ATF4: variants seen among roughly 807,000 people sequenced by gnomAD.
The protein encoded by ATF4 is cyclic AMP-dependent transcription factor ATF-4.
In ATF4, 8 loss-of-function variants were observed where a neutral mutation model predicts 21.0. That is an observed-to-expected ratio of 0.38 (90% CI 0.22 to 0.69). The LOEUF is 0.69. Ranked by LOEUF, ATF4 falls within the 30% of genes least tolerant of loss-of-function variation. The pLI, the probability that ATF4 is intolerant of heterozygous loss-of-function variation, is 0.49. For missense variants in ATF4, 549 were observed against 425.9 expected, an observed-to-expected ratio of 1.29 and a Z score of -2.54; for synonymous variants, 241 against 166.4, an observed-to-expected ratio of 1.45 and a Z score of -3.45.
At chr22:39,521,271 A>G (rs1930924683) in intron 1 of ATF4, 83 bp from the exon 2 acceptor site, 2 of 555,244 alleles carry the variant, frequency 3.6e-6, no homozygotes, top group Non-Finnish European at 6.4e-6. Flanking sequence ...GCCGATCTAG[A>G]GAAGTCCCGC....
chr22:39,521,259 T>G, intron 1 of ATF4, 95 bp from the exon 2 acceptor site: 1 of 505,404 alleles, frequency 2.0e-6, no homozygotes, highest in South Asian at 3.3e-5. Flanking sequence ...ATTCTCTAGA[T>G]GGCCGATCTA....
At position 39,521,761 on chromosome 22, in the gene ATF4, AATGTTTT is replaced by A; in HGVS notation, c.227-11_227-5del. 5 of 1,613,334 alleles carry A rather than the reference AATGTTTT, an allele frequency of 3.1e-6. No homozygotes were observed. Among genetic ancestry groups the A allele is most frequent in the Non-Finnish European group, 3.4e-6 (4 of 1,179,476 alleles). Reference sequence around the variant, plus strand: ...CTGACTCACTTGGCCCCATCACTCAAATGTTTTGCAGAGGATGCCTTCTCCGGGACAG... The same window carrying A: ...CTGACTCACTTGGCCCCATCACTCAAGCAGAGGATGCCTTCTCCGGGACAG... On this transcript the variant is annotated splice_region_variant and splice_polypyrimidine_tract_variant and intron_variant, in intron 2 of 2. Coordinates refer to ENST00000674920, the MANE Select transcript of ATF4 (RefSeq NM_182810.3).
At chr22:39,520,982 C>G (rs1930902694) in intron 1 of ATF4, 1 of 153,622 alleles carries the variant, frequency 6.5e-6, no homozygotes. Context: ...GCCCTCGGAC[C>G]CCGAGCCCCG....
In ATF4 at chr22:39,522,100, A is replaced by G; in HGVS notation, c.554A>G (p.Glu185Gly). 6.2e-7 allele frequency: 1 copy of G among 1,613,934 alleles called. No individual in the cohort carries two copies. The highest frequency in any genetic ancestry group is 8.5e-7 in the Non-Finnish European group (1 of 1,179,848). Residue 185 changes from glutamate to glycine, a missense_variant, in exon 3 of 3, where the codon GAA (glutamate) becomes GGA (glycine). Glu to Gly is a moderately conservative substitution (Grantham distance 98, BLOSUM62 -2). Transcript: ENST00000674920. ...DHSFSLELGS[E>G]VDITEGDRKP... is the part of the protein sequence containing the mutation. ...TCCTTTAGTTTAGAGCTGGGCAGTG[A>G]AGTGGATATCACTGAAGGAGATAGG... is the stretch of plus-strand genomic sequence containing the variant.
Position 39,522,499 on chromosome 22 carries a change from A to G in ATF4, c.953A>G (p.Glu318Gly). ...TGCAAAGAGCTGGAAAAGAAGAACG[A>G]GGCTCTAAAAGAGAGGGCGGATTCC... ...GECKELEKKN[E>G]ALKERADSLA... The change falls in exon 3 of 3, where the codon GAG (glutamate) becomes GGG (glycine). Residue 318 changes from glutamate (E) to glycine (G), a missense_variant. Physicochemically the swap from Glu to Gly is moderately conservative, Grantham distance 98 (BLOSUM62 -2). Transcript: ENST00000674920. The G allele has an allele frequency of 1.9e-6, 3 of 1,612,428 alleles. No homozygotes were observed. The highest frequency in any genetic ancestry group is 2.5e-6 in the Non-Finnish European group (3 of 1,179,324).
Position 39,522,638 on chromosome 22 carries a change from T to C in ATF4, c.*36T>C, listed in dbSNP as rs1447156825. ...TCAGGAGCGTCAATGTGCTTGTACATAGAGTGCTGTAGCTGTGTGTTCCAA... is the reference window on the plus strand; with the variant it reads ...TCAGGAGCGTCAATGTGCTTGTACACAGAGTGCTGTAGCTGTGTGTTCCAA... On this transcript the variant is annotated 3_prime_UTR_variant, in exon 3 of 3. Coordinates refer to ENST00000674920, the MANE Select transcript of ATF4 (RefSeq NM_182810.3). 2.0e-6 allele frequency: 3 copies of C among 1,470,132 alleles called. No homozygotes were observed. Among genetic ancestry groups the C allele is most frequent in the East Asian group, 2.3e-5 (1 of 43,374 alleles). The allele number at this position is 1,470,132 out of a possible 1,614,324, so 91.1% of individuals were successfully genotyped here.
In ATF4 at chr22:39,521,637, G is replaced by A. The variant is rs1254019030; in HGVS notation, c.192G>A (p.Val64=). 3.7e-6 allele frequency: 6 copies of A among 1,614,042 alleles called. No individual in the cohort carries two copies. Among genetic ancestry groups the A allele is most frequent in the Middle Eastern group, 1.6e-4 (1 of 6,084 alleles). The stretch of plus-strand genomic sequence containing the variant: ...CGGGCTCCTCCGAATGGCTGGCTGT[G>A]GATGGGTTGGTCAGTCCCTCCAACA... The part of the protein sequence containing the change: ...AKAGSSEWLA[V]DGLVSPSNNS... The change falls in exon 2 of 3, where the codon GTG becomes GTA. Residue 64 remains valine, a synonymous_variant. Coordinates refer to ENST00000674920, the MANE Select transcript of ATF4 (RefSeq NM_182810.3).
intron 1 of ATF4, 82 bp from the exon 2 acceptor site, chr22:39,521,272 G>GA: frequency 1.8e-6 from 1 of 557,222 alleles, no homozygotes; most frequent in Non-Finnish European, 3.2e-6. Context: ...CCGATCTAGA[G>GA]AAGTCCCGCC....
chr22:39,521,670 G>C lies in ATF4; in HGVS notation c.225G>C (p.Lys75Asn). The change falls in exon 2 of 3, where the codon AAG becomes AAC. Residue 75 changes from lysine (K) to asparagine (N), a missense_variant and splice_region_variant. By Grantham distance (94) the Lys-to-Asn change is moderately conservative. Coordinates refer to ENST00000674920, the MANE Select transcript of ATF4 (RefSeq NM_182810.3). ...DGLVSPSNNS[K>N]EDAFSGTDWM... Reference sequence around the variant, plus strand: ...TGGTCAGTCCCTCCAACAACAGCAAGGGTGAGTGGGCCACCACCACATCGT... The same window carrying C: ...TGGTCAGTCCCTCCAACAACAGCAACGGTGAGTGGGCCACCACCACATCGT... 1 of 1,613,414 alleles carries C rather than the reference G, an allele frequency of 6.2e-7. No homozygotes were observed. The highest frequency in any genetic ancestry group is 8.5e-7 in the Non-Finnish European group (1 of 1,179,520).
At position 39,522,504 on chromosome 22, in the gene ATF4, C is replaced by T. The variant is rs777524346; in HGVS notation, c.958C>T (p.Leu320=). The change falls in exon 3 of 3, where the codon CTA becomes TTA. Residue 320 remains leucine, a synonymous_variant. Transcript: ENST00000674920. ...AGAGCTGGAAAAGAAGAACGAGGCT[C>T]TAAAAGAGAGGGCGGATTCCCTGGC... ...CKELEKKNEA[L]KERADSLAKE... 7 of 1,611,958 alleles carry T rather than the reference C, an allele frequency of 4.3e-6. No individual in the cohort carries two copies. In the Admixed American group the frequency reaches 5.0e-5, roughly 12 times the overall value.
At position 39,521,945 on chromosome 22, in the gene ATF4, GC is replaced by G. The variant is rs770192882; in HGVS notation, c.406del (p.Gln136ArgfsTer3). 1 of 1,612,846 alleles carries G rather than the reference GC, an allele frequency of 6.2e-7. No homozygotes were observed. Among genetic ancestry groups the G allele is most frequent in the Non-Finnish European group, 8.5e-7 (1 of 1,179,656 alleles). Reference sequence around the variant, plus strand: ...CCCTAGTCCAGGAGACTAATAAGCAGCCCCCCCAGACGGTGAACCCAATTGG... The same window carrying G: ...CCCTAGTCCAGGAGACTAATAAGCAGCCCCCCAGACGGTGAACCCAATTGG... ...APLVQETNKQ[P>X]PQTVNPIGHL... On this transcript the variant is annotated frameshift_variant, in exon 3 of 3. Coordinates refer to ENST00000674920, the MANE Select transcript of ATF4 (RefSeq NM_182810.3). LOFTEE classifies it high-confidence loss of function.
intron 2 of ATF4, 43 bp from the exon 3 acceptor site, chr22:39,521,730 T>C (rs1264400074): frequency 6.2e-6 from 10 of 1,609,984 alleles, no homozygotes; most frequent in Non-Finnish European, 6.8e-6. Context: ...CCTCCTACCT[T>C]TGTATCTGAC....
At position 39,522,206 on chromosome 22, in the gene ATF4, C is replaced by T. The variant is rs760317005; in HGVS notation, c.660C>T (p.Gly220=). Residue 220 remains glycine (G), a synonymous_variant, in exon 3 of 3, where the codon GGC becomes GGT. Transcript: ENST00000674920. ...EEDTPSDNDS[G]ICMSPESYLG... ...ACACCCCTTCAGATAATGATAGTGG[C>T]ATCTGTATGAGCCCAGAGTCCTATC... 8.1e-6 allele frequency: 13 copies of T among 1,610,672 alleles called. No homozygotes were observed. Among genetic ancestry groups the T allele is most frequent in the South Asian group, 6.6e-5 (6 of 90,816 alleles).
In ATF4 at chr22:39,520,577, C is replaced by G. The variant is rs539075223; in HGVS notation, c.-267C>G. The G allele has an allele frequency of 6.5e-6, 1 of 152,800 alleles. No homozygotes were observed. The highest frequency in any genetic ancestry group is 1.5e-5 in the Non-Finnish European group (1 of 68,142). The allele number at this position is 152,800 out of a possible 1,614,324, so 9.5% of individuals were successfully genotyped here. On this transcript the variant is annotated 5_prime_UTR_variant, in exon 1 of 3. Coordinates refer to ENST00000674920, the MANE Select transcript of ATF4 (RefSeq NM_182810.3). ...CCACGGCAGCCATTTCTACTTTGCC[C>G]GCCCACAGATGTAGTTTTCTCTGCG...
At position 39,522,681 on chromosome 22, in the gene ATF4, A is replaced by G. The variant is rs1931046639; in HGVS notation, c.*79A>G. ...TGTTCCAATAAATTATTTTGTAGGG[A>G]AAGTACTTGTGCGTTTGAATTCCTT... On this transcript the variant is annotated 3_prime_UTR_variant, in exon 3 of 3. Coordinates refer to ENST00000674920, the MANE Select transcript of ATF4 (RefSeq NM_182810.3). The G allele has an allele frequency of 3.8e-6, 5 of 1,321,864 alleles. No homozygotes were observed. The South Asian group carries it at 6.7e-5, about 18-fold the overall frequency. 81.9% of individuals were successfully genotyped at this position (1,321,864 alleles called of 1,614,324 possible). A position where few individuals can be genotyped will look rare whatever the true frequency, so the allele number is the denominator to read the frequency against.
rs770163255 is a variant in ATF4, at chr22:39,522,322, A to G, written c.776A>G (p.Lys259Arg). Residue 259 changes from lysine to arginine, a missense_variant, in exon 3 of 3, where the codon AAA becomes AGA. Physicochemically the swap from Lys to Arg is conservative, Grantham distance 26. Coordinates refer to ENST00000674920, the MANE Select transcript of ATF4 (RefSeq NM_182810.3). The stretch of plus-strand genomic sequence containing the variant: ...GTTCTCTGTGGGTCTGCCCGTCCCA[A>G]ACCTTACGATCCTCCTGGAGAGAAG... ...PGVLCGSARP[K>R]PYDPPGEKMV... 1.2e-6 allele frequency: 2 copies of G among 1,612,782 alleles called. No individual in the cohort carries two copies. The highest frequency in any genetic ancestry group is 1.1e-5 in the South Asian group (1 of 90,764).
At chr22:39,521,280 G>A in intron 1 of ATF4, 74 bp from the exon 2 acceptor site, 1 of 575,890 alleles carries the variant, frequency 1.7e-6, no homozygotes, top group Non-Finnish European at 3.0e-6. Flanking sequence ...GAGAAGTCCC[G>A]CCTCATAAGT....
At position 39,522,300 on chromosome 22, in the gene ATF4, C is replaced by T. The variant is rs1304529819; in HGVS notation, c.754C>T (p.Leu252Phe). 4 of 1,610,682 alleles carry T rather than the reference C, an allele frequency of 2.5e-6. No individual in the cohort carries two copies. Among genetic ancestry groups the T allele is most frequent in the Admixed American group, 1.7e-5 (1 of 59,258 alleles). The change falls in exon 3 of 3, where the codon CTC becomes TTC. Residue 252 changes from leucine (L) to phenylalanine (F), a missense_variant. Leu to Phe is a conservative substitution (Grantham distance 22, BLOSUM62 0). Transcript: ENST00000674920. The stretch of plus-strand genomic sequence containing the variant: ...TAGGAGCCTCCCATCTCCAGGTGTT[C>T]TCTGTGGGTCTGCCCGTCCCAAACC... ...PNRSLPSPGVLCGSARPKPYD... is the reference protein window; with the variant it reads ...PNRSLPSPGVFCGSARPKPYD...
chr22:39,521,298 T>C (rs1481137316), intron 1 of ATF4, 56 bp from the exon 2 acceptor site: 3 of 644,588 alleles, frequency 4.7e-6, no homozygotes, highest in Non-Finnish European at 7.9e-6. Context: ...AGTGGAAGGA[T>C]GAAATTCTCA....
Sources: allele counts gnomAD v4.1 joint callset, GRCh38; gene constraint gnomAD v4.1.1; transcripts MANE v1.5; gene names NCBI Gene and HGNC (gene_info 2026-07-23, HGNC 2026-07-21).